Variants in GALNT13 observed in about 807,000 individuals in gnomAD.
GALNT13 encodes polypeptide N-acetylgalactosaminyltransferase 13.
A neutral mutation model predicts 64.2 loss-of-function variants in GALNT13; 28 were observed. The observed-to-expected ratio is 0.44, with a 90% CI of 0.32 to 0.60. The LOEUF (loss-of-function observed/expected upper bound fraction) is 0.60, where lower values mean the gene tolerates loss of function less well. GALNT13 is among the 20% of genes least tolerant of loss of function. The pLI is 0.05. For missense variants in GALNT13, 577 were observed against 669.8 expected (o/e 0.86, Z 1.53); for synonymous variants, 214 against 224.6 (o/e 0.95, Z 0.42).
At chr2:154,277,670 G>A (rs147929255) in intron 8 of GALNT13, among the ~76,000 whole-genome samples, 1 of 152,006 alleles carries the variant, frequency 6.6e-6, no homozygotes, top group South Asian at 2.1e-4. Flanking sequence ...AAAATTGAGT[G>A]GTAAGTACCA....
chr2:153,335,919 G>C, the GALNT13 span, among the ~76,000 whole-genome samples: 1 of 152,182 alleles, frequency 6.6e-6, no homozygotes, highest in Non-Finnish European at 1.5e-5. Flanking sequence ...CTAGGGACTT[G>C]GTACCCTGTG....
At chr2:153,133,462 A>G in the GALNT13 span, among the ~76,000 whole-genome samples, 1 of 152,018 alleles carries the variant, frequency 6.6e-6, no homozygotes, top group South Asian at 2.1e-4. Flanking sequence ...GTTAACAGGA[A>G]TCCTTCTTGC....
At chr2:154,227,827 CCT>C (rs1315842452) in intron 4 of GALNT13, among the ~76,000 whole-genome samples, 2 of 151,834 alleles carry the variant, frequency 1.3e-5, no homozygotes, top group African/African-American at 4.8e-5. Context: ...TAGCGTTTAC[CCT>C]GAGATAACTT....
chr2:154,082,331 T>C (rs1701311917), intron 3 of GALNT13, among the ~76,000 whole-genome samples: 1 of 151,700 alleles, frequency 6.6e-6, no homozygotes, highest in South Asian at 2.1e-4. Flanking sequence ...TTGAGAATTC[T>C]ATATGACATT....
At chr2:154,042,695 CATAT>C (rs70981696) in intron 3 of GALNT13, among the ~76,000 whole-genome samples, 4,747 of 107,916 alleles carry the variant, frequency 0.044, 490 homozygotes, top group African/African-American at 0.1. Context: ...TATCATTATG[CATAT>C]ATATATATAT....
the GALNT13 span, among the ~76,000 whole-genome samples, chr2:153,365,091 A>T: frequency 6.6e-6 from 1 of 152,276 alleles, no homozygotes; most frequent in South Asian, 2.1e-4. Flanking sequence ...AACACCACAC[A>T]TCTACAACCA....
intron 4 of GALNT13, among the ~76,000 whole-genome samples, chr2:154,154,801 A>C (rs1684301944): frequency 6.6e-6 from 1 of 152,104 alleles, no homozygotes. Flanking sequence ...CTGTAAGTAA[A>C]AATTATCCTA....
At chr2:154,246,121 T>G in intron 7 of GALNT13, 139 bp downstream of exon 7, 2 of 483,906 alleles carry the variant, frequency 4.1e-6, no homozygotes, top group Non-Finnish European at 6.9e-6. Flanking sequence ...CTTTACATAA[T>G]CATATAAGGA....
At chr2:153,907,724 G>A (rs1688673572) in intron 2 of GALNT13, among the ~76,000 whole-genome samples, 1 of 151,938 alleles carries the variant, frequency 6.6e-6, no homozygotes, top group Non-Finnish European at 1.5e-5. Flanking sequence ...TTACTGCAAA[G>A]GATATGATCT....
chr2:154,128,716 T>C (rs1299704723), intron 3 of GALNT13, among the ~76,000 whole-genome samples: 1 of 152,138 alleles, frequency 6.6e-6, no homozygotes, highest in Admixed American at 6.5e-5. Flanking sequence ...AGCTTTTTTT[T>C]CTTCCACTAG....
chr2:153,732,585 A>G, the GALNT13 span, among the ~76,000 whole-genome samples: 1 of 152,076 alleles, frequency 6.6e-6, no homozygotes, highest in Non-Finnish European at 1.5e-5. Context: ...ATCAAGGTCA[A>G]GACCCTTGTA....
Position 154,301,405 on chromosome 2 carries a change from C to T in GALNT13, c.976-4C>T, listed in dbSNP as rs1299409054. On this transcript the variant is annotated splice_region_variant and splice_polypyrimidine_tract_variant and intron_variant, in intron 8 of 12. Transcript: ENST00000392825. ...TTATTTACAATGATTGTTCCTTTTC[C>T]CAGATTTGGCAATGTGGAGGCTCCT... The T allele has an allele frequency of 6.2e-6, 10 of 1,608,772 alleles. No homozygotes were observed. The highest frequency in any genetic ancestry group is 1.3e-5 in the African/African-American group (1 of 74,784).
intron 3 of GALNT13, among the ~76,000 whole-genome samples, chr2:154,115,334 G>T (rs954633301): frequency 2.0e-5 from 3 of 151,746 alleles, no homozygotes; most frequent in African/African-American, 7.3e-5. Context: ...TTAAGTTTTA[G>T]GGTACATGTG....
intron 4 of GALNT13, among the ~76,000 whole-genome samples, chr2:154,220,215 C>A (rs909916323): frequency 6.6e-6 from 1 of 151,870 alleles, no homozygotes; most frequent in Non-Finnish European, 1.5e-5. Flanking sequence ...GTAAATGTTC[C>A]CATATATTCC....
the GALNT13 span, among the ~76,000 whole-genome samples, chr2:153,596,304 G>A: frequency 6.6e-6 from 1 of 152,118 alleles, no homozygotes; most frequent in Non-Finnish European, 1.5e-5. Context: ...CAGTCAGAGA[G>A]CCTAGCCAGC....
At chr2:153,081,465 C>G in the GALNT13 span, among the ~76,000 whole-genome samples, 1 of 152,026 alleles carries the variant, frequency 6.6e-6, no homozygotes, top group Non-Finnish European at 1.5e-5. Context: ...CTTATTCATA[C>G]TTTCTGTTTT....
At chr2:154,235,480 A>G (rs1345584506) in intron 4 of GALNT13, among the ~76,000 whole-genome samples, 1 of 152,182 alleles carries the variant, frequency 6.6e-6, no homozygotes, top group Non-Finnish European at 1.5e-5. Context: ...TGGGAGAACG[A>G]TGAAATTTCT....
At chr2:154,385,438 A>G (rs916812000) in intron 9 of GALNT13, among the ~76,000 whole-genome samples, 2 of 151,906 alleles carry the variant, frequency 1.3e-5, no homozygotes, top group African/African-American at 4.8e-5. Context: ...AACTTCCTCC[A>G]GTTTCATGAC....
chr2:153,806,035 C>T, the GALNT13 span, among the ~76,000 whole-genome samples: 2 of 151,982 alleles, frequency 1.3e-5, no homozygotes, highest in Non-Finnish European at 2.9e-5. Context: ...AGCCTAGAAA[C>T]AATGACCACC....
Sources: allele counts gnomAD v4.1 joint callset (sites outside exome capture counted in the v4.1 genomes callset), GRCh38; gene constraint gnomAD v4.1.1; transcripts MANE v1.5; gene names NCBI Gene and HGNC (gene_info 2026-07-23, HGNC 2026-07-21).